The following PCDH9 variants were observed in gnomAD, a reference collection of about 807,000 sequenced individuals.
The protein encoded by PCDH9 is protocadherin-9.
In PCDH9, 24 loss-of-function variants were observed where a neutral mutation model predicts 70.6. The observed-to-expected ratio is 0.34, with a 90% CI of 0.25 to 0.48. The LOEUF (loss-of-function observed/expected upper bound fraction) is 0.48. Ranked by LOEUF, PCDH9 falls within the 20% of genes least tolerant of loss-of-function variation. The probability of loss-of-function intolerance (pLI) is 0.99; values close to 1 mark genes in which losing one functional copy is unlikely to be tolerated. For missense variants in PCDH9, 1,281 were observed against 1,503.6 expected (o/e 0.85, Z 2.45); for synonymous variants, 562 against 558.5 (o/e 1.01, Z -0.09).
At chr13:66,649,073 C>A (rs914819713) in intron 3 of PCDH9, among the ~76,000 whole-genome samples, 1 of 151,854 alleles carries the variant, frequency 6.6e-6, no homozygotes, top group South Asian at 2.1e-4. Context: ...TAGAAAATGG[C>A]CTAAAAAGGG....
At chr13:67,093,314 A>C (rs999370761) in intron 2 of PCDH9, among the ~76,000 whole-genome samples, 4 of 151,898 alleles carry the variant, frequency 2.6e-5, no homozygotes, top group Non-Finnish European at 4.4e-5. Context: ...AATTAGCTGG[A>C]CATGGTAGTG....
At chr13:67,197,656 G>T (rs2089103738) in intron 2 of PCDH9, among the ~76,000 whole-genome samples, 1 of 151,858 alleles carries the variant, frequency 6.6e-6, no homozygotes, top group Non-Finnish European at 1.5e-5. Context: ...ACTCAAAGGA[G>T]TCCAAAACAT....
intron 2 of PCDH9, among the ~76,000 whole-genome samples, chr13:67,139,332 A>G (rs952111669): frequency 2.0e-5 from 3 of 152,214 alleles, no homozygotes; most frequent in Non-Finnish European, 2.9e-5. Flanking sequence ...CTTAACCGCT[A>G]TTACCAAGTC....
At chr13:66,509,832 C>A (rs1175262290) in intron 4 of PCDH9, among the ~76,000 whole-genome samples, 2 of 151,950 alleles carry the variant, frequency 1.3e-5, no homozygotes, top group Non-Finnish European at 2.9e-5. Flanking sequence ...TCACATAGAG[C>A]CAAATGACAT....
At chr13:66,959,754 A>G (rs558589569) in intron 2 of PCDH9, among the ~76,000 whole-genome samples, 1 of 151,568 alleles carries the variant, frequency 6.6e-6, no homozygotes, top group African/African-American at 2.4e-5. Context: ...CCGTCTCAAA[A>G]AAAAAAAAAA....
chr13:67,078,749 T>G (rs921321936), intron 2 of PCDH9, among the ~76,000 whole-genome samples: 43 of 152,160 alleles, frequency 2.8e-4, no homozygotes, highest in Non-Finnish European at 7.3e-5. Context: ...TTACTATCTT[T>G]GTAAGGAAGA....
chr13:67,048,028 C>G (rs905511439), intron 2 of PCDH9, among the ~76,000 whole-genome samples: 10 of 152,148 alleles, frequency 6.6e-5, no homozygotes, highest in African/African-American at 2.4e-4. Context: ...AAATAATGTT[C>G]CTGCTATGTC....
At chr13:66,828,845 T>A in intron 3 of PCDH9, among the ~76,000 whole-genome samples, 1 of 123,518 alleles carries the variant, frequency 8.1e-6, no homozygotes, top group East Asian at 2.3e-4. Flanking sequence ...AACAACAATG[T>A]GGGGATAAAA....
chr13:66,658,308 T>A (rs1226623163), intron 3 of PCDH9, among the ~76,000 whole-genome samples: 3 of 152,186 alleles, frequency 2.0e-5, no homozygotes, highest in African/African-American at 4.8e-5. Context: ...ATTTCCCAAG[T>A]TGATATAAAA....
chr13:66,888,882 A>C (rs557798842), intron 3 of PCDH9, among the ~76,000 whole-genome samples: 1 of 152,312 alleles, frequency 6.6e-6, no homozygotes, highest in South Asian at 2.1e-4. Flanking sequence ...AGAAGCTGTG[A>C]TTTTCCTACA....
intron 4 of PCDH9, among the ~76,000 whole-genome samples, chr13:66,491,901 G>A (rs1959040143): frequency 6.6e-6 from 1 of 152,060 alleles, no homozygotes; most frequent in Non-Finnish European, 1.5e-5. Context: ...CTGTGATACT[G>A]GTAGGCCCCA....
At chr13:66,742,520 G>T (rs1593990037) in intron 3 of PCDH9, among the ~76,000 whole-genome samples, 1 of 147,694 alleles carries the variant, frequency 6.8e-6, no homozygotes, top group Admixed American at 6.7e-5. Flanking sequence ...AAGAGCTTCT[G>T]CACAGCAAAA....
chr13:66,584,743 T>C (rs1331422328), intron 4 of PCDH9, among the ~76,000 whole-genome samples: 1 of 152,046 alleles, frequency 6.6e-6, no homozygotes, highest in African/African-American at 2.4e-5. Flanking sequence ...ATACAAGGAA[T>C]GGTAGTTGAT....
At position 66,468,249 on chromosome 13, in the gene PCDH9, A is replaced by G. The variant is rs570464094; in HGVS notation, c.3340+162961T>C. ...TCAATGTGTTGCTTGTTTTTCTCAC[A>G]CATTACCTGCAATCTGTCAACACCC... On this transcript the variant is annotated intron_variant, in intron 4 of 4. Transcript: ENST00000377865. 5.3e-5 allele frequency among the ~76,000 whole-genome samples: 8 copies of G among 152,104 alleles called. No individual in the cohort carries two copies. The South Asian group carries it at 1.7e-3, about 32-fold the overall frequency.
In PCDH9 at chr13:67,185,238, T is replaced by C. The variant is rs78529218; in HGVS notation, c.3036+40167A>G. Reference sequence around the variant, plus strand: ...TTTAACAATGTTTCTGCAATGTAGATTTTTACTCTCATTGCTTAATTTTAG... The same window carrying C: ...TTTAACAATGTTTCTGCAATGTAGACTTTTACTCTCATTGCTTAATTTTAG... On this transcript the variant is annotated intron_variant, in intron 2 of 4. Coordinates refer to ENST00000377865, the MANE Select transcript of PCDH9 (RefSeq NM_203487.3). Among the ~76,000 whole-genome samples the C allele has an allele frequency of 2.2e-3, 330 of 152,330 alleles. 1 individual carries two copies. Among genetic ancestry groups the C allele is most frequent in the African/African-American group, 7.7e-3 (320 of 41,580 alleles).
intron 2 of PCDH9, chr13:66,977,389 C>T (rs1377883940): frequency 6.6e-6 from 1 of 151,898 alleles, no homozygotes; most frequent in Non-Finnish European, 1.5e-5. Context: ...AGCAGGATAA[C>T]GTGGTAGTGC....
At chr13:66,574,183 T>C (rs1314575454) in intron 4 of PCDH9, among the ~76,000 whole-genome samples, 1 of 152,236 alleles carries the variant, frequency 6.6e-6, no homozygotes, top group African/African-American at 2.4e-5. Context: ...ATCTCCATAT[T>C]GCTGAGCCTT....
chr13:67,011,605 C>A (rs1183494724), intron 2 of PCDH9, among the ~76,000 whole-genome samples: 1 of 151,808 alleles, frequency 6.6e-6, no homozygotes, highest in Non-Finnish European at 1.5e-5. Flanking sequence ...TGAAACATCA[C>A]TAGAACGTTG....
chr13:66,396,969 A>G (rs1480786373), intron 4 of PCDH9, among the ~76,000 whole-genome samples: 2 of 152,192 alleles, frequency 1.3e-5, no homozygotes, highest in Non-Finnish European at 2.9e-5. Flanking sequence ...ATGTAGGTAC[A>G]TATCTTTGGA....
Sources: allele counts gnomAD v4.1 joint callset (sites outside exome capture counted in the v4.1 genomes callset), GRCh38; gene constraint gnomAD v4.1.1; transcripts MANE v1.5; gene names NCBI Gene and HGNC (gene_info 2026-07-23, HGNC 2026-07-21).